LRP1B: variants seen among roughly 807,000 people sequenced by gnomAD.
LRP1B encodes the protein low-density lipoprotein receptor-related protein 1B.
Under a neutral mutation model 556.6 loss-of-function variants are expected in LRP1B, and 217 were observed. The ratio of observed to expected loss-of-function variants is 0.39; its 90% CI spans 0.35 to 0.44. LRP1B has a LOEUF of 0.44. Ranked by LOEUF, LRP1B falls within the 20% of genes least tolerant of loss-of-function variation. The pLI is 1.00. For synonymous variants in LRP1B, 2,047 were observed against 1,865.8 expected (o/e 1.10, Z -2.50); for missense variants, 5,053 against 5,620.8 (o/e 0.90, Z 3.23).
intron 1 of LRP1B, among the ~76,000 whole-genome samples, chr2:141,894,727 T>C (rs1282296643): frequency 6.6e-6 from 1 of 151,416 alleles, no homozygotes; most frequent in Non-Finnish European, 1.5e-5. Context: ...ATCATAAACT[T>C]TATAACCACC....
chr2:140,440,206 G>A (rs1484619436), intron 66 of LRP1B, among the ~76,000 whole-genome samples: 1 of 152,126 alleles, frequency 6.6e-6, no homozygotes, highest in African/African-American at 2.4e-5. Context: ...CCCCTTGAAT[G>A]TAGCATGGGT....
intron 7 of LRP1B, among the ~76,000 whole-genome samples, chr2:141,182,423 T>C (rs1184013767): frequency 1.3e-5 from 2 of 152,010 alleles, no homozygotes; most frequent in Non-Finnish European, 2.9e-5. Context: ...CTTTCCATCC[T>C]ACAGGTGAAT....
chr2:140,327,918 A>G (rs1680576648), intron 79 of LRP1B, among the ~76,000 whole-genome samples: 1 of 152,032 alleles, frequency 6.6e-6, no homozygotes, highest in Admixed American at 6.6e-5. Flanking sequence ...AATGGAATTT[A>G]TACTCCAAAA....
Position 141,365,657 on chromosome 2 carries a change from T to TTTTTTGTTTGTTTGTTTTG in LRP1B, c.344-111017_344-111016insCAAAACAAACAAACAAAAA, listed in dbSNP as rs1490800071. Among the ~76,000 whole-genome samples, 340 of 141,240 alleles carry TTTTTTGTTTGTTTGTTTTG rather than the reference T, an allele frequency of 2.4e-3. 1 individual carries two copies. Among genetic ancestry groups the TTTTTTGTTTGTTTGTTTTG allele is most frequent in the African/African-American group, 8.3e-3 (321 of 38,506 alleles). 92.7% of individuals were successfully genotyped at this position (141,240 alleles called of 152,430 possible). ...TTTGTTTTGGTTTGTTTTTGTTGCT[T>TTTTTTGTTTGTTTGTTTTG]TTTTTTTTTTTTTGAGACAGAGTCT... On this transcript the variant is annotated intron_variant, in intron 3 of 90. Transcript: ENST00000389484.
chr2:141,684,260 A>C (rs6733134), intron 2 of LRP1B, among the ~76,000 whole-genome samples: 69,478 of 151,966 alleles, frequency 0.46, 16,426 homozygotes, highest in East Asian at 0.58. Context: ...ACACCGTGGA[A>C]TACTATGCAG....
intron 62 of LRP1B, among the ~76,000 whole-genome samples, chr2:140,455,404 C>G (rs1409653515): frequency 6.6e-6 from 1 of 152,238 alleles, no homozygotes; most frequent in East Asian, 1.9e-4. Flanking sequence ...TACTATGTAC[C>G]AGGAACTTTT....
At chr2:140,500,320 G>A (rs188890526) in intron 55 of LRP1B, among the ~76,000 whole-genome samples, 6 of 152,006 alleles carry the variant, frequency 3.9e-5, no homozygotes, top group African/African-American at 1.2e-4. Flanking sequence ...ATGTAGCTAA[G>A]TTAATAATAC....
rs1699265047 is a variant in LRP1B at position 141,059,038 on chromosome 2, C to T, written c.1253G>A (p.Gly418Asp). 1 of 1,561,786 alleles carries T rather than the reference C, an allele frequency of 6.4e-7. No individual in the cohort carries two copies. The change falls in exon 9 of 91, where the codon GGT (glycine) becomes GAT (aspartate). Residue 418 changes from glycine to aspartate, a missense_variant. Gly to Asp is a moderately conservative substitution (Grantham distance 94). This residue lies in a region of LRP1B where 3,619 missense variants were observed against 3,931.9 expected (regional missense o/e 0.92). Coordinates refer to ENST00000389484, the MANE Select transcript of LRP1B (RefSeq NM_018557.3). ...CAAATAATCTTCAAACACAGTTATA[C>T]CATAAAGATGTCTAACCTATAAAGA... ...IQGRQVRHLY[G>D]ITVFEDYLYA...
At chr2:141,575,208 C>T (rs1375472247) in intron 2 of LRP1B, among the ~76,000 whole-genome samples, 1 of 152,182 alleles carries the variant, frequency 6.6e-6, no homozygotes, top group Non-Finnish European at 1.5e-5. Flanking sequence ...TGACTGCAAA[C>T]TATACTACAA....
intron 2 of LRP1B, among the ~76,000 whole-genome samples, chr2:141,592,587 A>G (rs562072335): frequency 1.3e-5 from 2 of 152,328 alleles, no homozygotes; most frequent in Non-Finnish European, 2.9e-5. Context: ...TCATTTATCT[A>G]AAATGATCAC....
chr2:140,714,574 A>C (rs1442271973), intron 37 of LRP1B, among the ~76,000 whole-genome samples: 1 of 152,172 alleles, frequency 6.6e-6, no homozygotes, highest in African/African-American at 2.4e-5. Flanking sequence ...GTTCTATATA[A>C]TATAAATGGA....
At chr2:142,008,130 T>C (rs900651931) in intron 1 of LRP1B, among the ~76,000 whole-genome samples, 49 of 152,210 alleles carry the variant, frequency 3.2e-4, no homozygotes, top group African/African-American at 1.0e-3. Context: ...TTAATGCCAC[T>C]ACTAAAGGTC....
rs566675908 is a variant in LRP1B at position 141,096,481 on chromosome 2, G to A, written c.1014-34208C>T. Among the ~76,000 whole-genome samples the A allele has an allele frequency of 1.6e-3, 238 of 152,040 alleles. 2 individuals carry two copies. The highest frequency in any genetic ancestry group is 0.011 in the South Asian group (53 of 4,826). On this transcript the variant is annotated intron_variant, in intron 7 of 90. Transcript: ENST00000389484. ...TGCATGCCTGTAATCCCAGCTACTG[G>A]GGAGGCTGAGGCAGGAGAATCGCTT...
chr2:141,120,460 A>C (rs1163040123), intron 7 of LRP1B, among the ~76,000 whole-genome samples: 1 of 151,968 alleles, frequency 6.6e-6, no homozygotes, highest in East Asian at 1.9e-4. Flanking sequence ...ATATTTGACT[A>C]TTTTAACCTA....
At chr2:141,466,152 G>A (rs913464749) in intron 3 of LRP1B, among the ~76,000 whole-genome samples, 1 of 152,148 alleles carries the variant, frequency 6.6e-6, no homozygotes, top group Non-Finnish European at 1.5e-5. Context: ...CTCCCAAAGT[G>A]CTGGGATTAC....
chr2:140,648,993 CCCAA>C (rs1489010046), intron 41 of LRP1B, among the ~76,000 whole-genome samples: 2 of 152,042 alleles, frequency 1.3e-5, no homozygotes, highest in Non-Finnish European at 2.9e-5. Flanking sequence ...AACAAACTAA[CCCAA>C]AATATATTTT....
intron 1 of LRP1B, among the ~76,000 whole-genome samples, chr2:141,948,051 A>T (rs1280721817): frequency 6.6e-6 from 1 of 152,082 alleles, no homozygotes; most frequent in Non-Finnish European, 1.5e-5. Flanking sequence ...TAATCCCAGC[A>T]CTTTGTGAGG....
At chr2:141,038,238 A>G (rs1698595193) in intron 11 of LRP1B, among the ~76,000 whole-genome samples, 1 of 152,104 alleles carries the variant, frequency 6.6e-6, no homozygotes, top group Non-Finnish European at 1.5e-5. Flanking sequence ...TCTCCGGGCC[A>G]GAGGCAGCAC....
At chr2:142,091,696 T>C (rs1706178825) in intron 1 of LRP1B, among the ~76,000 whole-genome samples, 1 of 152,170 alleles carries the variant, frequency 6.6e-6, no homozygotes, top group South Asian at 2.1e-4. Context: ...AGTAAAACTC[T>C]GTTTTTGTTC....
Sources: gnomAD v4.1 joint callset for allele counts (sites outside exome capture counted in the v4.1 genomes callset) on GRCh38, gnomAD v4.1.1 for gene constraint, gnomAD v4.1.1 regional missense constraint, MANE v1.5 for transcripts, NCBI Gene and HGNC (gene_info 2026-07-23, HGNC 2026-07-21) for gene names.